COL19A1: variants seen among roughly 807,000 people sequenced by gnomAD.
The protein encoded by COL19A1 is collagen alpha-1(XIX) chain.
In COL19A1, 159 loss-of-function variants were observed where a neutral mutation model predicts 190.2. The observed-to-expected ratio is 0.84, with a 90% CI of 0.73 to 0.95. The LOEUF is 0.95. Ranked by LOEUF, COL19A1 falls within the 40% of genes least tolerant of loss-of-function variation. The pLI, the probability that COL19A1 is intolerant of heterozygous loss-of-function variation, is 0.00. For synonymous variants in COL19A1, 509 were observed against 458.9 expected (o/e 1.11, Z -1.39); for missense variants, 1,418 against 1,431.9 (o/e 0.99, Z 0.16).
intron 14 of COL19A1, among the ~76,000 whole-genome samples, chr6:70,061,179 AT>A (rs1780809678): frequency 6.6e-6 from 1 of 152,150 alleles, no homozygotes; most frequent in African/African-American, 2.4e-5. Context: ...GGGAATAGAT[AT>A]TATTTTTCTA....
chr6:69,929,798 C>CGGCGA, intron 6 of COL19A1, 98 bp downstream of exon 6: 1 of 1,077,864 alleles, frequency 9.3e-7, no homozygotes, highest in Admixed American at 2.7e-5. Context: ...GTAATAGATT[C>CGGCGA]CCTTCTCATC....
At chr6:70,185,178 G>C (rs1766429897) in intron 46 of COL19A1, among the ~76,000 whole-genome samples, 1 of 152,136 alleles carries the variant, frequency 6.6e-6, no homozygotes, top group African/African-American at 2.4e-5. Flanking sequence ...TTATCCTCCT[G>C]TCTTAGACAT....
intron 12 of COL19A1, among the ~76,000 whole-genome samples, chr6:70,032,482 G>A (rs1335665362): frequency 6.6e-6 from 1 of 151,980 alleles, no homozygotes; most frequent in African/African-American, 2.4e-5. Context: ...CAAGATGAAG[G>A]CAAATATATT....
Position 70,071,212 on chromosome 6 carries a change from A to G in COL19A1, c.1224+2736A>G, listed in dbSNP as rs941350519. Among the ~76,000 whole-genome samples, 3 of 152,240 alleles carry G rather than the reference A, an allele frequency of 2.0e-5. No homozygotes were observed. The East Asian group carries it at 5.8e-4, about 29-fold the overall frequency. ...TATCAAACATTATAGAAACATGTTA[A>G]TATTGCTATTATTATTATGAAAGAC... On this transcript the variant is annotated intron_variant, in intron 15 of 50. Coordinates refer to ENST00000620364, the MANE Select transcript of COL19A1 (RefSeq NM_001858.6).
chr6:69,902,652 T>C (rs1370275731), intron 4 of COL19A1, among the ~76,000 whole-genome samples: 3 of 152,196 alleles, frequency 2.0e-5, no homozygotes, highest in East Asian at 3.9e-4. Flanking sequence ...CATGGTTCTT[T>C]TGGGTCCTGT....
intron 4 of COL19A1, among the ~76,000 whole-genome samples, chr6:69,902,404 G>T (rs1456833056): frequency 2.0e-5 from 3 of 152,140 alleles, no homozygotes; most frequent in African/African-American, 7.2e-5. Flanking sequence ...TAATGAGTAT[G>T]TTGGTCTGAT....
intron 9 of COL19A1, among the ~76,000 whole-genome samples, chr6:69,946,722 G>T (rs931664776): frequency 6.6e-6 from 1 of 151,872 alleles, no homozygotes; most frequent in African/African-American, 2.4e-5. Context: ...GGTGCAGTTG[G>T]TAATAAAGGT....
chr6:69,987,239 T>G, intron 11 of COL19A1, among the ~76,000 whole-genome samples: 2 of 152,242 alleles, frequency 1.3e-5, no homozygotes, highest in Admixed American at 1.3e-4. Context: ...AATAAAATCC[T>G]TCTGTCATGT....
intron 31 of COL19A1, among the ~76,000 whole-genome samples, chr6:70,152,078 G>T (rs974940615): frequency 4.6e-5 from 7 of 151,734 alleles, no homozygotes; most frequent in Non-Finnish European, 7.4e-5. Context: ...GGTAGGGGGG[G>T]ATGATAATGG....
chr6:70,052,467 A>G (rs1001788565), intron 14 of COL19A1, among the ~76,000 whole-genome samples: 6 of 152,172 alleles, frequency 3.9e-5, no homozygotes, highest in African/African-American at 1.4e-4. Flanking sequence ...TTACCACACC[A>G]TGGCTAACTA....
chr6:70,098,657 T>C, intron 15 of COL19A1: 1 of 311,674 alleles, frequency 3.2e-6, no homozygotes, highest in Non-Finnish European at 6.3e-6. Flanking sequence ...GCAACACTTT[T>C]CAAACGATGG....
chr6:69,894,453 A>G (rs971114591), intron 2 of COL19A1, among the ~76,000 whole-genome samples: 1 of 152,214 alleles, frequency 6.6e-6, no homozygotes, highest in African/African-American at 2.4e-5. Flanking sequence ...AATAATCTCT[A>G]AGGCTTTTTT....
intron 11 of COL19A1, among the ~76,000 whole-genome samples, chr6:69,986,221 TTATATATA>T (rs57648174): frequency 0.095 from 13,179 of 138,220 alleles, 655 homozygotes; most frequent in East Asian, 0.2. Context: ...CTTACACGTT[TTATATATA>T]TATATATATA....
chr6:70,180,567 C>G, intron 44 of COL19A1, 44 bp downstream of exon 44: 1 of 1,582,888 alleles, frequency 6.3e-7, no homozygotes, highest in South Asian at 1.1e-5. Context: ...TAGAGAAATG[C>G]TCTAACATTA....
chr6:70,180,523 A>T lies in COL19A1; in HGVS notation c.2775A>T (p.Pro925=). The part of the protein sequence containing the change: ...FPGPEGPSGK[P]GINGKDGIPG... ...GACCAGAAGGACCCTCAGGAAAGCC[A>T]GTAAGTACTTCTTACTACTTAAAAT... The change falls in exon 44 of 51, where the codon CCA becomes CCT. Residue 925 remains proline, a splice_region_variant and synonymous_variant. Coordinates refer to ENST00000620364, the MANE Select transcript of COL19A1 (RefSeq NM_001858.6). The T allele has an allele frequency of 1.2e-6, 2 of 1,614,108 alleles. No homozygotes were observed. Among genetic ancestry groups the T allele is most frequent in the Non-Finnish European group, 1.7e-6 (2 of 1,179,964 alleles).
intron 1 of COL19A1, among the ~76,000 whole-genome samples, chr6:69,868,721 A>T (rs946285564): frequency 6.6e-6 from 1 of 152,222 alleles, no homozygotes; most frequent in Non-Finnish European, 1.5e-5. Flanking sequence ...AATCATTCTC[A>T]TCCTAGAAAA....
intron 15 of COL19A1, among the ~76,000 whole-genome samples, chr6:70,094,213 C>G (rs1783101263): frequency 6.6e-6 from 1 of 152,130 alleles, no homozygotes; most frequent in East Asian, 1.9e-4. Flanking sequence ...TTCTTTACAT[C>G]AGGCATAAAT....
At chr6:69,930,034 G>T (rs1164160942) in intron 6 of COL19A1, among the ~76,000 whole-genome samples, 1 of 152,122 alleles carries the variant, frequency 6.6e-6, no homozygotes, top group Non-Finnish European at 1.5e-5. Flanking sequence ...GTTTTAAATA[G>T]AAAGGGCTGG....
chr6:69,933,370 C>A (rs1772903347), intron 7 of COL19A1, among the ~76,000 whole-genome samples: 1 of 152,090 alleles, frequency 6.6e-6, no homozygotes, highest in East Asian at 1.9e-4. Flanking sequence ...CTTTGCTTTG[C>A]AGCATAACCA....
Sources: allele counts gnomAD v4.1 joint callset (sites outside exome capture counted in the v4.1 genomes callset), GRCh38; gene constraint gnomAD v4.1.1; transcripts MANE v1.5; gene names NCBI Gene and HGNC (gene_info 2026-07-23, HGNC 2026-07-21).